Variants in SLC18A1 observed in about 807,000 individuals in gnomAD.
The protein encoded by SLC18A1 is chromaffin granule amine transporter.
SLC18A1 carries 69 observed loss-of-function variants against 53.7 expected under a neutral mutation model. The ratio of observed to expected loss-of-function variants is 1.28; its 90% CI spans 1.06 to 1.57. The LOEUF (loss-of-function observed/expected upper bound fraction) is 1.57, where lower values mean the gene tolerates loss of function less well. Ranked by LOEUF, SLC18A1 falls within the 40% of genes most tolerant of loss-of-function variation. SLC18A1 has a pLI of 0.00. For synonymous variants in SLC18A1, 320 were observed against 248.1 expected (o/e 1.29, Z -2.72); for missense variants, 932 against 668.1 (o/e 1.40, Z -4.35).
intron 10 of SLC18A1, among the ~76,000 whole-genome samples, chr8:20,162,214 T>C (rs764422360): frequency 2.6e-5 from 4 of 152,148 alleles, no homozygotes; most frequent in Non-Finnish European, 5.9e-5. Flanking sequence ...TCCCAAACCA[T>C]TCTGCCCTCC....
chr8:20,164,091 G>C (rs2071893766), intron 10 of SLC18A1, among the ~76,000 whole-genome samples: 1 of 152,172 alleles, frequency 6.6e-6, no homozygotes, highest in Non-Finnish European at 1.5e-5. Flanking sequence ...ATTAGATTTA[G>C]TGCTTTTTAT....
Position 20,179,148 on chromosome 8 carries a change from T to C in SLC18A1, c.461A>G (p.Asn154Ser), listed in dbSNP as rs925722814. ...GTTGGTGAGAGGGCCCACGAATGGG[T>C]TGACCAGAAGTTGCATCACAGCCTT... Reference protein sequence around the residue: ...ASKAVMQLLVNPFVGPLTNRI... With the variant: ...ASKAVMQLLVSPFVGPLTNRI... The change falls in exon 3 of 16, where the codon AAC becomes AGC. Residue 154 changes from asparagine (N) to serine (S), a missense_variant. Asn to Ser is a conservative substitution (Grantham distance 46). Coordinates refer to ENST00000276373, the MANE Select transcript of SLC18A1 (RefSeq NM_003053.4). 20 of 1,613,290 alleles carry C rather than the reference T, an allele frequency of 1.2e-5. No individual in the cohort carries two copies. The highest frequency in any genetic ancestry group is 2.7e-5 in the African/African-American group (2 of 74,870).
chr8:20,165,965 C>G (rs2071947872), intron 8 of SLC18A1, among the ~76,000 whole-genome samples: 1 of 152,076 alleles, frequency 6.6e-6, no homozygotes, highest in Admixed American at 6.6e-5. Flanking sequence ...TCTCTGCACA[C>G]ACACAATAGT....
chr8:20,154,502 G>A (rs1369813527), intron 10 of SLC18A1, among the ~76,000 whole-genome samples: 2 of 152,206 alleles, frequency 1.3e-5, no homozygotes, highest in Admixed American at 6.5e-5. Context: ...CTTTGAAGGA[G>A]AATAGAGAAG....
chr8:20,161,091 T>G (rs1213554953), intron 10 of SLC18A1, among the ~76,000 whole-genome samples: 2 of 152,208 alleles, frequency 1.3e-5, no homozygotes, highest in Admixed American at 6.5e-5. Context: ...CCAAAATTCA[T>G]GTCCTTGTCA....
intron 10 of SLC18A1, among the ~76,000 whole-genome samples, chr8:20,160,140 C>T (rs996105475): frequency 1.3e-5 from 2 of 151,560 alleles, no homozygotes; most frequent in Non-Finnish European, 2.9e-5. Flanking sequence ...TAGAAGTAAG[C>T]ACACCTTAGT....
At chr8:20,178,576 G>T (rs1044090433) in intron 3 of SLC18A1, 83 bp from the exon 4 acceptor site, 2 of 1,015,002 alleles carry the variant, frequency 2.0e-6, no homozygotes, top group South Asian at 3.0e-5. Context: ...GTAAGTGGGA[G>T]CAGAAATGCA....
At chr8:20,159,033 G>C (rs2071749986) in intron 10 of SLC18A1, among the ~76,000 whole-genome samples, 1 of 152,056 alleles carries the variant, frequency 6.6e-6, no homozygotes. Context: ...TTAACCTCCT[G>C]GTTAAGTTTG....
rs144023581 is a variant in SLC18A1, at chr8:20,157,369, C to T, written c.1016-6625G>A. 2.8e-4 allele frequency among the ~76,000 whole-genome samples: 42 copies of T among 152,222 alleles called. 1 individual carries two copies. The East Asian group carries it at 7.7e-3, about 28-fold the overall frequency. On this transcript the variant is annotated intron_variant, in intron 10 of 15. Coordinates refer to ENST00000276373, the MANE Select transcript of SLC18A1 (RefSeq NM_003053.4). Reference sequence around the variant, plus strand: ...AGTCAGGTCAATGATAGGGTGACAACAGAGGAAAGAGAACGATTCCCCACA... The same window carrying T: ...AGTCAGGTCAATGATAGGGTGACAATAGAGGAAAGAGAACGATTCCCCACA...
chr8:20,144,874 T>C lies in SLC18A1; in HGVS notation c.*889A>G, dbSNP rs1158992326. 1.3e-5 allele frequency: 2 copies of C among 152,222 alleles called. No homozygotes were observed. The highest frequency in any genetic ancestry group is 4.8e-5 in the African/African-American group (2 of 41,458). 9.4% of individuals were successfully genotyped at this position (152,222 alleles called of 1,614,324 possible). ...CAGGTCTGAATTAGGCAATAATGTA[T>C]TTATTAGCAAGTATGAACAATGTCA... On this transcript the variant is annotated 3_prime_UTR_variant, in exon 16 of 16. Transcript: ENST00000276373.
chr8:20,178,424 A>G lies in SLC18A1; in HGVS notation c.547+11T>C. 6.2e-7 allele frequency: 1 copy of G among 1,606,880 alleles called. No individual in the cohort carries two copies. The highest frequency in any genetic ancestry group is 1.1e-5 in the South Asian group (1 of 89,468). On this transcript the variant is annotated intron_variant, in intron 4 of 15. Coordinates refer to ENST00000276373, the MANE Select transcript of SLC18A1 (RefSeq NM_003053.4). ...CAGTGAAGGGAAGAAAAGAGGAAGC[A>G]AATTACTTACTAACTGTGGAGAGAA... is the stretch of plus-strand genomic sequence containing the variant.
chr8:20,162,673 T>C (rs2071858864), intron 10 of SLC18A1, among the ~76,000 whole-genome samples: 1 of 152,258 alleles, frequency 6.6e-6, no homozygotes, highest in Admixed American at 6.5e-5. Context: ...TTTACTCTAG[T>C]GTCCAATACC....
chr8:20,171,929 G>T (rs959657292), intron 6 of SLC18A1, among the ~76,000 whole-genome samples: 2 of 152,216 alleles, frequency 1.3e-5, no homozygotes, highest in Admixed American at 6.5e-5. Context: ...AGTTGGAGAA[G>T]AAAAAGAAGA....
chr8:20,148,205 G>C (rs903997), intron 12 of SLC18A1, 135 bp from the exon 13 acceptor site: 570,993 of 750,760 alleles, frequency 0.76, 219,517 homozygotes, highest in African/African-American at 0.91. Flanking sequence ...TGCACTCTCA[G>C]ACTTTCTCAT....
intron 10 of SLC18A1, chr8:20,151,039 T>A (rs970484961): frequency 2.9e-6 from 1 of 339,070 alleles, no homozygotes; most frequent in Non-Finnish European, 5.6e-6. Flanking sequence ...TGGTACAATC[T>A]CAGCCCACTG....
intron 8 of SLC18A1, among the ~76,000 whole-genome samples, chr8:20,170,574 G>T (rs557230267): frequency 6.6e-6 from 1 of 151,774 alleles, no homozygotes; most frequent in Non-Finnish European, 1.5e-5. Context: ...AGTCAAACAA[G>T]TACCAACTCT....
chr8:20,164,287 A>G (rs1024865117), intron 10 of SLC18A1, among the ~76,000 whole-genome samples: 1 of 151,772 alleles, frequency 6.6e-6, no homozygotes, highest in African/African-American at 2.4e-5. Flanking sequence ...GGAAGCTGGA[A>G]CCCTCTCTCC....
intron 5 of SLC18A1, 137 bp downstream of exon 5, chr8:20,174,223 AT>A: frequency 4.2e-6 from 3 of 717,904 alleles, no homozygotes; most frequent in Non-Finnish European, 7.4e-6. Context: ...CAATTCCCTT[AT>A]TTCTGAATCA....
intron 4 of SLC18A1, among the ~76,000 whole-genome samples, chr8:20,176,781 T>C (rs1380943752): frequency 6.6e-6 from 1 of 152,246 alleles, no homozygotes; most frequent in Non-Finnish European, 1.5e-5. Flanking sequence ...TTAACATATA[T>C]AGTTTGGTAT....
Sources: allele counts gnomAD v4.1 joint callset (sites outside exome capture counted in the v4.1 genomes callset), GRCh38; gene constraint gnomAD v4.1.1; transcripts MANE v1.5; gene names NCBI Gene and HGNC (gene_info 2026-07-23, HGNC 2026-07-21).